ANKRD16: variants seen among roughly 807,000 people sequenced by gnomAD.
ANKRD16 encodes the protein ankyrin repeat domain 16, also known as ankyrin repeat domain-containing protein 16.
Under a neutral mutation model 37.9 loss-of-function variants are expected in ANKRD16, and 35 were observed. The observed-to-expected ratio is 0.92, with a 90% CI of 0.71 to 1.23. ANKRD16 has a LOEUF of 1.23. Among genes scored for constraint, ANKRD16 ranks in the 50% most tolerant of loss-of-function variants. ANKRD16 has a pLI of 0.00. For missense variants in ANKRD16, 480 were observed against 469.9 expected, an observed-to-expected ratio of 1.02 and a Z score of -0.20; for synonymous variants, 206 against 197.2, an observed-to-expected ratio of 1.04 and a Z score of -0.37.
chr10:5,888,481 G>A (rs1276002389), intron 1 of ANKRD16, among the ~76,000 whole-genome samples: 1 of 152,200 alleles, frequency 6.6e-6, no homozygotes, highest in Non-Finnish European at 1.5e-5. Flanking sequence ...CTGACCTAGT[G>A]AGTACTAAAA....
chr10:5,876,459 A>G lies in ANKRD16; in HGVS notation c.*33+1638T>C, dbSNP rs748458779. ...AGTCCCAGACTGATCTTTCAGTCCC[A>G]CCTGTACACGTGAAATAGCCGCACA... On this transcript the variant is annotated intron_variant, in intron 7 of 7. Transcript: ENST00000380094. 1.8e-4 allele frequency among the ~76,000 whole-genome samples: 27 copies of G among 152,328 alleles called. No homozygotes were observed. The South Asian group carries it at 1.9e-3, about 11-fold the overall frequency.
chr10:5,871,751 C>T lies in ANKRD16; in HGVS notation c.*33+6346G>A, dbSNP rs1165973363. On this transcript the variant is annotated intron_variant, in intron 7 of 7. Coordinates refer to ENST00000380094, the MANE Select transcript of ANKRD16 (RefSeq NM_019046.3). This position sits in a 1 kb window ranked among gnomAD's most constrained non-coding sequence, Gnocchi z 4.5. ...GCCTTATCCCACAGAGCCCTCACTC[C>T]CTCACCGCTGGCTTCCTCCCTCTGT... is the stretch of plus-strand genomic sequence containing the variant. Among the ~76,000 whole-genome samples the T allele has an allele frequency of 6.6e-6, 1 of 152,204 alleles. No homozygotes were observed. The highest frequency in any genetic ancestry group is 2.4e-5 in the African/African-American group (1 of 41,440).
rs1390745469 is a variant in ANKRD16 at position 5,869,808 on chromosome 10, A to C, written c.*34-7117T>G. 6.6e-6 allele frequency among the ~76,000 whole-genome samples: 1 copy of C among 151,874 alleles called. No individual in the cohort carries two copies. Among genetic ancestry groups the C allele is most frequent in the Non-Finnish European group, 1.5e-5 (1 of 67,984 alleles). On this transcript the variant is annotated intron_variant, in intron 7 of 7. Coordinates refer to ENST00000380094, the MANE Select transcript of ANKRD16 (RefSeq NM_019046.3). This position sits in a 1 kb window ranked among gnomAD's most constrained non-coding sequence, Gnocchi z 4.0. ...GTGGGTGGGAATCTGCATCTTTAAT[A>C]GTTTCTAATTTCAACTTTTATTTTA...
rs1047937714 is a variant in ANKRD16, at chr10:5,865,847, C to A, written c.*34-3156G>T. Among the ~76,000 whole-genome samples, 3 of 152,148 alleles carry A rather than the reference C, an allele frequency of 2.0e-5. No individual in the cohort carries two copies. Among genetic ancestry groups the A allele is most frequent in the Non-Finnish European group, 4.4e-5 (3 of 68,014 alleles). On this transcript the variant is annotated intron_variant, in intron 7 of 7. Coordinates refer to ENST00000380094, the MANE Select transcript of ANKRD16 (RefSeq NM_019046.3). The surrounding 1 kb of genome is among the most constrained non-coding windows in gnomAD (Gnocchi z 4.7). The stretch of plus-strand genomic sequence containing the variant: ...TGGAAGGAACAAACTCAAGCTCCAG[C>A]CTTAAGCCTTCCCACAGGACAAAAC...
At chr10:5,886,590 C>T (rs1327274456) in intron 2 of ANKRD16, among the ~76,000 whole-genome samples, 4 of 150,688 alleles carry the variant, frequency 2.7e-5, no homozygotes, top group African/African-American at 9.7e-5. Context: ...GACTCTGTCT[C>T]AAAAAAAAAC....
At position 5,889,263 on chromosome 10, in the gene ANKRD16, C is replaced by T. The variant is rs758714381; in HGVS notation, c.92G>A (p.Gly31Asp). ...ALKEELQAAG[G>D]CPGPAGDTLL... ...GGTATCCCCGGCCGGCCCCGGGCAG[C>T]CCCCGGCCGCCTGCAGCTCCTCCTT... is the stretch of plus-strand genomic sequence containing the variant. The change falls in exon 1 of 8, where the codon GGC (glycine) becomes GAC (aspartate). Residue 31 changes from glycine to aspartate, a missense_variant. Physicochemically the swap from Gly to Asp is moderately conservative, Grantham distance 94 (BLOSUM62 -1). Coordinates refer to ENST00000380094, the MANE Select transcript of ANKRD16 (RefSeq NM_019046.3). 4 of 1,480,644 alleles carry T rather than the reference C, an allele frequency of 2.7e-6. No homozygotes were observed. In the East Asian group the frequency reaches 1.1e-4, roughly 40 times the overall value. The allele number at this position is 1,480,644 out of a possible 1,614,324, so 91.7% of individuals were successfully genotyped here.
At position 5,871,943 on chromosome 10, in the gene ANKRD16, C is replaced by T. The variant is rs183559565; in HGVS notation, c.*33+6154G>A. ...AGGCCCCTGTGCAGCCCATATCTCCCACCCACTCGCATGGCCCAACCTCCA... is the reference window on the plus strand; with the variant it reads ...AGGCCCCTGTGCAGCCCATATCTCCTACCCACTCGCATGGCCCAACCTCCA... On this transcript the variant is annotated intron_variant, in intron 7 of 7. Coordinates refer to ENST00000380094, the MANE Select transcript of ANKRD16 (RefSeq NM_019046.3). The surrounding 1 kb of genome is among the most constrained non-coding windows in gnomAD (Gnocchi z 4.5). 9.7e-3 allele frequency among the ~76,000 whole-genome samples: 1,478 copies of T among 152,228 alleles called. 25 individuals carry two copies. The highest frequency in any genetic ancestry group is 0.033 in the African/African-American group (1,384 of 41,512).
intron 4 of ANKRD16, 53 bp downstream of exon 4, chr10:5,883,916 A>G: frequency 6.6e-7 from 1 of 1,517,808 alleles, no homozygotes; most frequent in Non-Finnish European, 9.1e-7. Flanking sequence ...TTAACCTGTG[A>G]CCTAAAATTT....
rs1001835378 is a variant in ANKRD16, at chr10:5,866,180, A to G, written c.*34-3489T>C. On this transcript the variant is annotated intron_variant, in intron 7 of 7. Coordinates refer to ENST00000380094, the MANE Select transcript of ANKRD16 (RefSeq NM_019046.3). The surrounding 1 kb of genome is among the most constrained non-coding windows in gnomAD (Gnocchi z 4.3). The stretch of plus-strand genomic sequence containing the variant: ...ACCAGGCACTACTCCTTGAGGGACC[A>G]GTGCTTCAAATACATACGTGTGCGG... 6.6e-6 allele frequency among the ~76,000 whole-genome samples: 1 copy of G among 152,204 alleles called. No individual in the cohort carries two copies. Among genetic ancestry groups the G allele is most frequent in the Non-Finnish European group, 1.5e-5 (1 of 68,038 alleles).
Position 5,878,294 on chromosome 10 carries a change from G to C in ANKRD16, c.929-7C>G. On this transcript the variant is annotated splice_polypyrimidine_tract_variant and splice_region_variant and intron_variant, in intron 6 of 7. Coordinates refer to ENST00000380094, the MANE Select transcript of ANKRD16 (RefSeq NM_019046.3). The surrounding 1 kb of genome is among the most constrained non-coding windows in gnomAD (Gnocchi z 5.1). ...GCACAGGCCAGATGCAGGGCTGAGG[G>C]GTGACAAAAATCACATGGACTTAAA... is the stretch of plus-strand genomic sequence containing the variant. The C allele has an allele frequency of 6.2e-7, 1 of 1,609,486 alleles. No homozygotes were observed.
At position 5,874,407 on chromosome 10, in the gene ANKRD16, T is replaced by A. The variant is rs1589017742; in HGVS notation, c.*33+3690A>T. On this transcript the variant is annotated intron_variant, in intron 7 of 7. Coordinates refer to ENST00000380094, the MANE Select transcript of ANKRD16 (RefSeq NM_019046.3). The surrounding 1 kb of genome is among the most constrained non-coding windows in gnomAD (Gnocchi z 4.7). ...AACGCCCTGGCAGCCATGTGGAGGG[T>A]GGATTTGAGGACTTGGAGAGGTGTA... Among the ~76,000 whole-genome samples, 1 of 151,858 alleles carries A rather than the reference T, an allele frequency of 6.6e-6. No individual in the cohort carries two copies. The highest frequency in any genetic ancestry group is 1.5e-5 in the Non-Finnish European group (1 of 67,964).
Position 5,865,517 on chromosome 10 carries a change from G to A in ANKRD16, c.*34-2826C>T, listed in dbSNP as rs946560779. 6.6e-6 allele frequency among the ~76,000 whole-genome samples: 1 copy of A among 152,044 alleles called. No homozygotes were observed. On this transcript the variant is annotated intron_variant, in intron 7 of 7. Coordinates refer to ENST00000380094, the MANE Select transcript of ANKRD16 (RefSeq NM_019046.3). This position sits in a 1 kb window ranked among gnomAD's most constrained non-coding sequence, Gnocchi z 4.7. The stretch of plus-strand genomic sequence containing the variant: ...TCTCCTGTCCCAGACAGCTGTCCTT[G>A]AGGTCTGTTACCATCTGAGGCTCAG...
In ANKRD16 at chr10:5,878,490, G is replaced by A. The variant is rs1842221809; in HGVS notation, c.929-203C>T. ...AATAGTTTTAAAGATAACAAAACCA[G>A]TTAGAGAGGATTTAAGAAATTTATC... On this transcript the variant is annotated intron_variant, in intron 6 of 7. Transcript: ENST00000380094. This position sits in a 1 kb window ranked among gnomAD's most constrained non-coding sequence, Gnocchi z 5.1. Among the ~76,000 whole-genome samples, 1 of 152,066 alleles carries A rather than the reference G, an allele frequency of 6.6e-6. No homozygotes were observed. The highest frequency in any genetic ancestry group is 2.1e-4 in the South Asian group (1 of 4,828).
chr10:5,880,114 C>T (rs1407099470), intron 6 of ANKRD16, among the ~76,000 whole-genome samples, 184 bp downstream of exon 6: 1 of 133,024 alleles, frequency 7.5e-6, no homozygotes, highest in Non-Finnish European at 1.5e-5. Flanking sequence ...GCTGAGATGG[C>T]GTGCCACTGC....
At chr10:5,876,051 T>C (rs918099554) in intron 7 of ANKRD16, among the ~76,000 whole-genome samples, 2 of 152,160 alleles carry the variant, frequency 1.3e-5, no homozygotes, top group African/African-American at 2.4e-5. Context: ...GCCGGGCTAA[T>C]TGTTGTATTT....
In ANKRD16 at chr10:5,862,985, G is replaced by A. The variant is rs527457391; in HGVS notation, c.*34-294C>T. 6.6e-6 allele frequency among the ~76,000 whole-genome samples: 1 copy of A among 152,252 alleles called. No homozygotes were observed. The highest frequency in any genetic ancestry group is 2.4e-5 in the African/African-American group (1 of 41,520). On this transcript the variant is annotated intron_variant, in intron 7 of 7. Coordinates refer to ENST00000380094, the MANE Select transcript of ANKRD16 (RefSeq NM_019046.3). The surrounding 1 kb of genome is among the most constrained non-coding windows in gnomAD (Gnocchi z 6.5). The stretch of plus-strand genomic sequence containing the variant: ...TGCCTGGAAAAGTCCCCATCTTAGT[G>A]AATTCTGACTTTCCACCTACTGTCC...
At chr10:5,873,015 A>C (rs1589016647) in intron 7 of ANKRD16, among the ~76,000 whole-genome samples, 2 of 134,424 alleles carry the variant, frequency 1.5e-5, no homozygotes, top group African/African-American at 5.6e-5. Context: ...GTGCCCCACC[A>C]CACCTGGCTA....
At position 5,871,256 on chromosome 10, in the gene ANKRD16, G is replaced by A. The variant is rs1016398213; in HGVS notation, c.*33+6841C>T. 5.3e-5 allele frequency among the ~76,000 whole-genome samples: 8 copies of A among 152,018 alleles called. No homozygotes were observed. The highest frequency in any genetic ancestry group is 1.7e-4 in the African/African-American group (7 of 41,374). On this transcript the variant is annotated intron_variant, in intron 7 of 7. Transcript: ENST00000380094. This position sits in a 1 kb window ranked among gnomAD's most constrained non-coding sequence, Gnocchi z 4.5. ...AGAAAAATTAGCCAGGTGTGGAGGC[G>A]CACGCCTGTAATCCCAGCTACTCAG...
In ANKRD16 at chr10:5,869,374, A is replaced by T. The variant is rs1589014150; in HGVS notation, c.*34-6683T>A. Among the ~76,000 whole-genome samples the T allele has an allele frequency of 6.6e-6, 1 of 152,112 alleles. No individual in the cohort carries two copies. Among genetic ancestry groups the T allele is most frequent in the Admixed American group, 6.5e-5 (1 of 15,268 alleles). On this transcript the variant is annotated intron_variant, in intron 7 of 7. Coordinates refer to ENST00000380094, the MANE Select transcript of ANKRD16 (RefSeq NM_019046.3). The surrounding 1 kb of genome is among the most constrained non-coding windows in gnomAD (Gnocchi z 4.0). ...AAGGAAATGCAAATTCCTAGAGTCC[A>T]CCCTGGACCTACAGGCCCAGCTCTC... is the stretch of plus-strand genomic sequence containing the variant.
Sources: gnomAD v4.1 joint callset for allele counts (sites outside exome capture counted in the v4.1 genomes callset) on GRCh38, gnomAD v4.1.1 for gene constraint, Gnocchi (gnomAD v3.1) non-coding constraint, MANE v1.5 for transcripts, NCBI Gene and HGNC (gene_info 2026-07-23, HGNC 2026-07-21) for gene names.